The following RFC3 variants were observed in gnomAD, a reference collection of about 807,000 sequenced individuals.
RFC3 encodes the protein replication factor C subunit 3, also known as A1 38 kDa subunit.
In RFC3, 41 loss-of-function variants were observed where a neutral mutation model predicts 45.1. The ratio of observed to expected loss-of-function variants is 0.91; its 90% CI spans 0.71 to 1.18. The LOEUF is 1.18. Ranked by LOEUF, RFC3 falls within the 50% of genes most tolerant of loss-of-function variation. The probability of loss-of-function intolerance (pLI) is 0.00; values close to 1 mark genes in which losing one functional copy is unlikely to be tolerated. For missense variants in RFC3, 423 were observed against 428.1 expected (o/e 0.99, Z 0.10); for synonymous variants, 149 against 144.0 (o/e 1.03, Z -0.25).
intron 8 of RFC3, among the ~76,000 whole-genome samples, chr13:33,933,773 A>G (rs142335533): frequency 7.7e-4 from 117 of 152,230 alleles, no homozygotes; most frequent in Non-Finnish European, 8.8e-5. Context: ...GTTTGCATTT[A>G]TATTTTTATT....
At chr13:33,961,861 G>A (rs1445470602) in intron 8 of RFC3, among the ~76,000 whole-genome samples, 10 of 152,022 alleles carry the variant, frequency 6.6e-5, no homozygotes, top group Non-Finnish European at 8.8e-5. Context: ...TTAGGATAAT[G>A]TGAATTTGAC....
chr13:33,973,105 A>G, the RFC3 span, among the ~76,000 whole-genome samples: 1 of 152,180 alleles, frequency 6.6e-6, no homozygotes, highest in Non-Finnish European at 1.5e-5. Context: ...CTGTCTCATA[A>G]AAGAGCAAAG....
At chr13:33,933,112 G>T (rs1033088049) in intron 8 of RFC3, among the ~76,000 whole-genome samples, 5 of 152,130 alleles carry the variant, frequency 3.3e-5, no homozygotes, top group Admixed American at 2.6e-4. Flanking sequence ...TGAGACAGCT[G>T]CTCAGCCTCA....
intron 1 of RFC3, among the ~76,000 whole-genome samples, chr13:33,820,030 G>A (rs1438704726): frequency 1.3e-5 from 2 of 152,086 alleles, no homozygotes; most frequent in Non-Finnish European, 2.9e-5. Context: ...TGCAATAAGC[G>A]CTTCTCTTAA....
Position 33,829,961 on chromosome 13 carries a change from C to G in RFC3, c.517C>G (p.Pro173Ala). The G allele has an allele frequency of 6.2e-7, 1 of 1,613,996 alleles. No homozygotes were observed. Residue 173 changes from proline to alanine, a missense_variant, in exon 5 of 9, where the codon CCA becomes GCA. Coordinates refer to ENST00000380071, the MANE Select transcript of RFC3 (RefSeq NM_002915.4). Reference protein sequence around the residue: ...LCCNSTSKVIPPIRSRCLAVR... With the variant: ...LCCNSTSKVIAPIRSRCLAVR... ...CTGCAATTCTACATCTAAAGTGATC[C>G]CACCTATTCGTAGTAGGTGCTTGGC...
At chr13:33,971,177 C>T (rs2083107969), downstream of RFC3, among the ~76,000 whole-genome samples, 1 of 152,166 alleles carries the variant, frequency 6.6e-6, no homozygotes, top group Non-Finnish European at 1.5e-5. Flanking sequence ...AACCTTCAGA[C>T]CAGCTGAACT....
intron 1 of RFC3, among the ~76,000 whole-genome samples, chr13:33,818,544 C>CAGGTAAG (rs1175986526): frequency 3.9e-5 from 6 of 152,238 alleles, no homozygotes; most frequent in African/African-American, 1.4e-4. Flanking sequence ...TAAGAGGGGA[C>CAGGTAAG]AGCAAGTGCA....
chr13:33,967,359 G>A (rs2137880600), downstream of RFC3, among the ~76,000 whole-genome samples: 1 of 151,974 alleles, frequency 6.6e-6, no homozygotes, highest in South Asian at 2.1e-4. Flanking sequence ...AGCTTAATGA[G>A]TTAAGTTTGT....
chr13:33,853,921 T>C (rs963410811), intron 8 of RFC3, among the ~76,000 whole-genome samples: 1 of 152,128 alleles, frequency 6.6e-6, no homozygotes, highest in Non-Finnish European at 1.5e-5. Context: ...AGAAAATGCA[T>C]AAGAGATATT....
At chr13:33,852,392 C>T (rs2082282005) in intron 8 of RFC3, among the ~76,000 whole-genome samples, 1 of 152,196 alleles carries the variant, frequency 6.6e-6, no homozygotes, top group African/African-American at 2.4e-5. Context: ...AAGTCTAGCA[C>T]TGCCCCCACC....
chr13:33,962,301 T>C (rs1450661315), intron 8 of RFC3, among the ~76,000 whole-genome samples: 1 of 152,190 alleles, frequency 6.6e-6, no homozygotes, highest in Non-Finnish European at 1.5e-5. Flanking sequence ...CATTAACCTG[T>C]CGGTGCCTCA....
intron 8 of RFC3, among the ~76,000 whole-genome samples, chr13:33,871,144 G>T (rs1429649437): frequency 6.6e-6 from 1 of 152,192 alleles, no homozygotes; most frequent in Non-Finnish European, 1.5e-5. Context: ...CTGATTTTCA[G>T]TCCTTTGGTC....
chr13:33,859,103 C>A (rs977398117), intron 8 of RFC3, among the ~76,000 whole-genome samples: 20 of 152,166 alleles, frequency 1.3e-4, no homozygotes, highest in African/African-American at 4.6e-4. Flanking sequence ...GCCACAAATA[C>A]ACCATGATTT....
intron 8 of RFC3, among the ~76,000 whole-genome samples, chr13:33,959,646 G>T (rs1191053551): frequency 1.3e-5 from 2 of 151,944 alleles, no homozygotes; most frequent in Non-Finnish European, 2.9e-5. Context: ...TGTCCATTTT[G>T]GTCTCCACCA....
intron 8 of RFC3, among the ~76,000 whole-genome samples, chr13:33,958,139 G>A (rs2083033353): frequency 1.3e-5 from 2 of 152,212 alleles, no homozygotes; most frequent in South Asian, 4.1e-4. Flanking sequence ...GACTCTTTGA[G>A]GAGGTGACAG....
intron 8 of RFC3, among the ~76,000 whole-genome samples, chr13:33,882,723 G>A (rs2082493455): frequency 6.6e-6 from 1 of 152,138 alleles, no homozygotes; most frequent in Admixed American, 6.5e-5. Flanking sequence ...CCCTAAGACA[G>A]CAACTGTTCC....
chr13:33,855,340 A>G (rs913930678), intron 8 of RFC3, among the ~76,000 whole-genome samples: 5 of 152,192 alleles, frequency 3.3e-5, no homozygotes, highest in Non-Finnish European at 5.9e-5. Context: ...ATGTAAAGAA[A>G]TGGTGTCTAT....
chr13:33,902,842 C>A (rs1244247482), intron 8 of RFC3, among the ~76,000 whole-genome samples: 2 of 151,882 alleles, frequency 1.3e-5, no homozygotes, highest in African/African-American at 4.8e-5. Context: ...TGTTTTGGCT[C>A]CCCTGGTCCA....
At chr13:33,942,696 G>A (rs2082932215) in intron 8 of RFC3, among the ~76,000 whole-genome samples, 1 of 152,116 alleles carries the variant, frequency 6.6e-6, no homozygotes. Flanking sequence ...TTGTTTTGGG[G>A]TACATGGTAC....
Sources: allele counts gnomAD v4.1 joint callset (sites outside exome capture counted in the v4.1 genomes callset), GRCh38; gene constraint gnomAD v4.1.1; transcripts MANE v1.5; gene names NCBI Gene and HGNC (gene_info 2026-07-23, HGNC 2026-07-21).